The following DDX6 variants were observed in gnomAD, a reference collection of about 807,000 sequenced individuals.
DDX6 encodes probable ATP-dependent RNA helicase DDX6.
DDX6 carries 7 observed loss-of-function variants against 60.6 expected under a neutral mutation model. The observed-to-expected ratio is 0.12, with a 90% CI of 0.07 to 0.22. The LOEUF is 0.22. Ranked by LOEUF, DDX6 falls within the 10% of genes least tolerant of loss-of-function variation. DDX6 has a pLI of 1.00. For synonymous variants in DDX6, 207 were observed against 201.0 expected (o/e 1.03, Z -0.25); for missense variants, 270 against 589.9 (o/e 0.46, Z 5.62).
intron 7 of DDX6, 70 bp from the exon 8 acceptor site, chr11:118,760,114 C>T (rs372814170): frequency 2.3e-5 from 32 of 1,408,134 alleles, no homozygotes; most frequent in African/African-American, 2.2e-4. Flanking sequence ...AATACATGGT[C>T]AAAGAATAAG....
At chr11:118,773,088 T>A (rs532107300) in intron 4 of DDX6, among the ~76,000 whole-genome samples, 15 of 152,332 alleles carry the variant, frequency 9.8e-5, no homozygotes, top group African/African-American at 3.1e-4. Context: ...TTCCTTTTGC[T>A]TAAGTTAGAT....
intron 4 of DDX6, among the ~76,000 whole-genome samples, chr11:118,773,985 A>G (rs10892288): frequency 0.17 from 26,044 of 152,198 alleles, 2,474 homozygotes; most frequent in South Asian, 0.29. Flanking sequence ...TCAGAATGCT[A>G]TAATTCCTAA....
chr11:118,782,216 A>G (rs1266322428), intron 2 of DDX6, among the ~76,000 whole-genome samples: 1 of 152,218 alleles, frequency 6.6e-6, no homozygotes, highest in Admixed American at 6.5e-5. Context: ...AGTTACATCA[A>G]ACAATTGATA....
chr11:118,756,681 T>C (rs1225087017), intron 10 of DDX6, among the ~76,000 whole-genome samples: 1 of 152,174 alleles, frequency 6.6e-6, no homozygotes, highest in Non-Finnish European at 1.5e-5. Context: ...TCCAGAGCAG[T>C]GCTGTCCAGT....
At chr11:118,783,821 A>AAAAAAAAAAAAAT in intron 2 of DDX6, among the ~76,000 whole-genome samples, 1 of 149,440 alleles carries the variant, frequency 6.7e-6, no homozygotes, top group African/African-American at 2.5e-5. Flanking sequence ...AAAAAAAAAA[A>AAAAAAAAAAAAAT]AAATTAAAAA....
intron 8 of DDX6, 106 bp downstream of exon 8, chr11:118,759,816 A>G (rs1439254580): frequency 1.6e-6 from 2 of 1,251,968 alleles, no homozygotes; most frequent in East Asian, 2.7e-5. Context: ...AAGGCTTGAA[A>G]TAATTAGCAT....
chr11:118,753,296 C>T lies in DDX6; in HGVS notation c.*8-1199G>A, dbSNP rs1354405697. The stretch of plus-strand genomic sequence containing the variant: ...CCACCCACCTCGGCCTCCCAAAGTG[C>T]TGGGATTACAGGTGTGAGCCACTGA... On this transcript the variant is annotated intron_variant, in intron 13 of 13. Transcript: ENST00000534980. Among the ~76,000 whole-genome samples the T allele has an allele frequency of 2.7e-5, 4 of 148,576 alleles. 1 individual carries two copies. Among genetic ancestry groups the T allele is most frequent in the South Asian group, 4.3e-4 (2 of 4,630 alleles).
chr11:118,782,895 G>A (rs1345047463), intron 2 of DDX6, among the ~76,000 whole-genome samples: 1 of 152,176 alleles, frequency 6.6e-6, no homozygotes, highest in Non-Finnish European at 1.5e-5. Flanking sequence ...CTCCCAAAGT[G>A]CTGGGATTAC....
chr11:118,757,124 A>G (rs1861004357), intron 10 of DDX6, 47 bp downstream of exon 10: 2 of 991,070 alleles, frequency 2.0e-6, no homozygotes, highest in Admixed American at 3.3e-5. Flanking sequence ...CAAAATAAAG[A>G]AAGAGATTTC....
chr11:118,765,698 C>T (rs1343657727), intron 5 of DDX6, among the ~76,000 whole-genome samples: 2 of 151,944 alleles, frequency 1.3e-5, no homozygotes, highest in Non-Finnish European at 2.9e-5. Flanking sequence ...TCACTTGAAC[C>T]CGGAGGCAGA....
At chr11:118,757,497 C>T (rs1001458018) in intron 9 of DDX6, among the ~76,000 whole-genome samples, 8 of 152,038 alleles carry the variant, frequency 5.3e-5, no homozygotes, top group African/African-American at 1.7e-4. Context: ...GAGTATATTT[C>T]TTAAGGGCCA....
At chr11:118,757,389 G>T (rs1861012452) in intron 9 of DDX6, 102 bp from the exon 10 acceptor site, 1 of 558,264 alleles carries the variant, frequency 1.8e-6, no homozygotes, top group African/African-American at 2.0e-5. Flanking sequence ...CATTAACATG[G>T]TCTAAAACTT....
intron 7 of DDX6, among the ~76,000 whole-genome samples, chr11:118,760,944 A>T (rs1784543): frequency 0.38 from 57,502 of 151,852 alleles, 11,512 homozygotes; most frequent in Admixed American, 0.51. Context: ...GTTCAAGACA[A>T]GACTGGTTGA....
chr11:118,780,477 C>A (rs1228102948), intron 3 of DDX6, among the ~76,000 whole-genome samples: 1 of 152,066 alleles, frequency 6.6e-6, no homozygotes, highest in Non-Finnish European at 1.5e-5. Context: ...CCACCACACC[C>A]GACTAATTTT....
chr11:118,757,723 TGG>T (rs1861026919), intron 9 of DDX6, among the ~76,000 whole-genome samples: 1 of 152,110 alleles, frequency 6.6e-6, no homozygotes. Flanking sequence ...CTTGAGTAGC[TGG>T]GATTACAGGC....
At chr11:118,776,313 T>C (rs1053525760) in intron 4 of DDX6, among the ~76,000 whole-genome samples, 1 of 152,218 alleles carries the variant, frequency 6.6e-6, no homozygotes, top group Non-Finnish European at 1.5e-5. Context: ...GGTATTATAC[T>C]ATTACCTCAA....
intron 6 of DDX6, among the ~76,000 whole-genome samples, chr11:118,763,778 G>A (rs1250947599): frequency 6.9e-6 from 1 of 145,116 alleles, no homozygotes; most frequent in Non-Finnish European, 1.5e-5. Flanking sequence ...ACGTTGCAGT[G>A]AGCCGAGATC....
At chr11:118,771,840 T>C (rs562775393) in intron 4 of DDX6, among the ~76,000 whole-genome samples, 24 of 152,358 alleles carry the variant, frequency 1.6e-4, no homozygotes, top group African/African-American at 5.5e-4. Context: ...CATACACTGC[T>C]AGTGGGAATG....
chr11:118,791,448 T>C (rs1406308530), upstream of DDX6: 1 of 152,206 alleles, frequency 6.6e-6, no homozygotes, highest in Non-Finnish European at 1.5e-5. Context: ...ACGGCTGCTT[T>C]TCCACAGCCG....
Sources: gnomAD v4.1 joint callset for allele counts (sites outside exome capture counted in the v4.1 genomes callset) on GRCh38, gnomAD v4.1.1 for gene constraint, MANE v1.5 for transcripts, NCBI Gene and HGNC (gene_info 2026-07-23, HGNC 2026-07-21) for gene names.